The following DST variants were observed in gnomAD, a reference collection of about 807,000 sequenced individuals.
DST encodes bullous pemphigoid antigen.
DST carries 253 observed loss-of-function variants against 875.2 expected under a neutral mutation model. The observed-to-expected ratio is 0.29, with a 90% CI of 0.26 to 0.32. The LOEUF (loss-of-function observed/expected upper bound fraction) is 0.32, where lower values mean the gene tolerates loss of function less well. DST is among the 10% of genes least tolerant of loss of function. The probability of loss-of-function intolerance (pLI) is 1.00; values close to 1 mark genes in which losing one functional copy is unlikely to be tolerated. For synonymous variants in DST, 3,124 were observed against 3,197.1 expected, an observed-to-expected ratio of 0.98 and a Z score of 0.77; for missense variants, 8,287 against 9,111.6, an observed-to-expected ratio of 0.91 and a Z score of 3.68.
intron 49 of DST, among the ~76,000 whole-genome samples, chr6:56,581,164 CA>C (rs376554132): frequency 7.6e-4 from 113 of 149,192 alleles, no homozygotes; most frequent in African/African-American, 2.6e-3. Flanking sequence ...AAGGAAACAG[CA>C]AAAACTGGAA....
chr6:56,851,296 T>A (rs535119197), intron 4 of DST, 101 bp downstream of exon 4: 2 of 1,076,678 alleles, frequency 1.9e-6, no homozygotes, highest in African/African-American at 3.2e-5. Flanking sequence ...CACAGATTCC[T>A]GCCCAGTGCA....
intron 4 of DST, among the ~76,000 whole-genome samples, chr6:56,776,728 T>TA (rs1314245881): frequency 2.0e-5 from 3 of 152,202 alleles, no homozygotes; most frequent in Non-Finnish European, 4.4e-5. Context: ...AGATTCACAA[T>TA]AAAAAATATT....
In DST at chr6:56,636,561, A is replaced by G; in HGVS notation, c.3056T>C (p.Phe1019Ser). ...GTTATGATTCTACTCACATACCTCG[A>G]AATACGCTGTGTTCTCCTTTATGTG... ...EQHIKENTAY[F>S]EFFNDAKEAT... The change falls in exon 23 of 104, where the codon TTC (phenylalanine) becomes TCC (serine). Residue 1019 changes from phenylalanine (F) to serine (S), a missense_variant. Coordinates refer to ENST00000680361, the MANE Select transcript of DST (RefSeq NM_001374736.1). The G allele has an allele frequency of 6.2e-7, 1 of 1,612,416 alleles. No homozygotes were observed. Among genetic ancestry groups the G allele is most frequent in the Non-Finnish European group, 8.5e-7 (1 of 1,179,610 alleles).
intron 4 of DST, among the ~76,000 whole-genome samples, chr6:56,767,284 A>G (rs904533446): frequency 6.6e-6 from 1 of 152,208 alleles, no homozygotes; most frequent in Non-Finnish European, 1.5e-5. Context: ...ATGTGGAATT[A>G]AATTCTAACA....
chr6:56,904,012 A>G (rs1288778477), intron 2 of DST, among the ~76,000 whole-genome samples: 2 of 152,122 alleles, frequency 1.3e-5, no homozygotes, highest in African/African-American at 4.8e-5. Context: ...TTATTTCCTC[A>G]CCTATAAAAT....
chr6:56,745,959 T>G (rs2099571116), intron 4 of DST, among the ~76,000 whole-genome samples: 1 of 152,138 alleles, frequency 6.6e-6, no homozygotes, highest in Admixed American at 6.6e-5. Flanking sequence ...AATGTGGGTG[T>G]GTAAAATGGC....
intron 102 of DST, among the ~76,000 whole-genome samples, chr6:56,462,414 T>TAA (rs146197357): frequency 6.6e-6 from 1 of 151,946 alleles, no homozygotes; most frequent in Non-Finnish European, 1.5e-5. Flanking sequence ...TTAAAATCTT[T>TAA]AAAAAAAACC....
chr6:56,615,947 C>G (rs762113910), intron 36 of DST: 1 of 1,614,226 alleles, frequency 6.2e-7, no homozygotes, highest in East Asian at 2.2e-5. Context: ...ATCAACCAGG[C>G]CTCTATGCAA....
chr6:56,633,076 C>T (rs896086236), intron 27 of DST, 39 bp from the exon 28 acceptor site: 2 of 1,572,040 alleles, frequency 1.3e-6, no homozygotes, highest in Admixed American at 3.3e-5. Context: ...CATTCTATTA[C>T]TCATAGATTT....
chr6:56,685,106 T>C (rs1022738709), intron 9 of DST, among the ~76,000 whole-genome samples: 2 of 151,504 alleles, frequency 1.3e-5, no homozygotes, highest in Non-Finnish European at 2.9e-5. Context: ...TAGTGAAGTG[T>C]AAATAACCAA....
chr6:56,507,868 G>A (rs896751409), intron 75 of DST, among the ~76,000 whole-genome samples: 2 of 152,132 alleles, frequency 1.3e-5, no homozygotes, highest in Non-Finnish European at 2.9e-5. Flanking sequence ...CACAGTAAGA[G>A]CAGATCTAGA....
intron 27 of DST, among the ~76,000 whole-genome samples, chr6:56,633,469 G>A (rs1018978102): frequency 6.6e-6 from 1 of 151,386 alleles, no homozygotes; most frequent in Non-Finnish European, 1.5e-5. Flanking sequence ...CTCGTGATCC[G>A]CCCGCCTCGG....
chr6:56,837,246 A>T (rs2099794855), intron 4 of DST, among the ~76,000 whole-genome samples: 1 of 152,238 alleles, frequency 6.6e-6, no homozygotes, highest in African/African-American at 2.4e-5. Context: ...ACCTTTTCTA[A>T]TAAATACATA....
intron 9 of DST, among the ~76,000 whole-genome samples, chr6:56,698,471 G>A (rs1238917126): frequency 6.6e-6 from 1 of 152,040 alleles, no homozygotes; most frequent in Non-Finnish European, 1.5e-5. Flanking sequence ...GACTACAGGT[G>A]CATGCCACCA....
chr6:56,490,595 A>C (rs902660567), intron 85 of DST, among the ~76,000 whole-genome samples: 4 of 152,170 alleles, frequency 2.6e-5, no homozygotes, highest in African/African-American at 9.7e-5. Flanking sequence ...TCACAACTTT[A>C]ATCAATTAAA....
At chr6:56,594,437 T>C (rs2098336991) in intron 47 of DST, among the ~76,000 whole-genome samples, 1 of 152,214 alleles carries the variant, frequency 6.6e-6, no homozygotes, top group Non-Finnish European at 1.5e-5. Context: ...CTTAATCAGA[T>C]AGGACAGACA....
chr6:56,472,883 A>G (rs2094964511), intron 93 of DST, among the ~76,000 whole-genome samples: 1 of 152,198 alleles, frequency 6.6e-6, no homozygotes, highest in South Asian at 2.1e-4. Flanking sequence ...CAAAACAATG[A>G]CCTTAACAAA....
chr6:56,860,575 G>C (rs1488735950), intron 3 of DST, among the ~76,000 whole-genome samples: 1 of 152,122 alleles, frequency 6.6e-6, no homozygotes, highest in Non-Finnish European at 1.5e-5. Context: ...AATCTAGCTG[G>C]ACCCACCCAC....
chr6:56,880,507 G>GT (rs1205826366), intron 3 of DST, among the ~76,000 whole-genome samples: 2 of 151,976 alleles, frequency 1.3e-5, no homozygotes, highest in Non-Finnish European at 2.9e-5. Context: ...GGCCAACATG[G>GT]TAAAACCCTG....
Sources: gnomAD v4.1 joint callset for allele counts (sites outside exome capture counted in the v4.1 genomes callset) on GRCh38, gnomAD v4.1.1 for gene constraint, MANE v1.5 for transcripts, NCBI Gene and HGNC (gene_info 2026-07-23, HGNC 2026-07-21) for gene names.